Variants in RYR3 observed in about 807,000 individuals in gnomAD.
The protein encoded by RYR3 is brain ryanodine receptor-calcium release channel.
RYR3 carries 207 observed loss-of-function variants against 584.3 expected under a neutral mutation model. The observed-to-expected ratio is 0.35, with a 90% CI of 0.32 to 0.40. The LOEUF (loss-of-function observed/expected upper bound fraction) is 0.40. Ranked by LOEUF, RYR3 falls within the 10% of genes least tolerant of loss-of-function variation. The pLI is 1.00. For synonymous variants in RYR3, 2,416 were observed against 2,248.5 expected, an observed-to-expected ratio of 1.07 and a Z score of -2.11; for missense variants, 5,616 against 6,089.2, an observed-to-expected ratio of 0.92 and a Z score of 2.59.
rs1218278756 is a variant in RYR3 at position 33,555,363 on chromosome 15, G to A, written c.972+5047G>A. Among the ~76,000 whole-genome samples the A allele has an allele frequency of 2.6e-5, 4 of 152,316 alleles. No homozygotes were observed. In the East Asian group the frequency reaches 5.8e-4, roughly 22 times the overall value. ...AAGGGAGGGTATGGAGCAAAGGAGG[G>A]AAGGGGAAAGAGGAAAATACGGATA... On this transcript the variant is annotated intron_variant, in intron 10 of 103. Transcript: ENST00000634891.
Position 33,865,940 on chromosome 15 carries a change from A to AGAAGAAAAGTACTGTACT in RYR3, c.*718_*735dup. On this transcript the variant is annotated 3_prime_UTR_variant, in exon 104 of 104. Coordinates refer to ENST00000634891, the MANE Select transcript of RYR3 (RefSeq NM_001036.6). Reference sequence around the variant, plus strand: ...CAGCTGTCAGTCAACTGCTGTTATTAGAAGAAAAGTACTGTACTGAAAATT... The same window carrying AGAAGAAAAGTACTGTACT: ...CAGCTGTCAGTCAACTGCTGTTATTAGAAGAAAAGTACTGTACTGAAGAAAAGTACTGTACTGAAAATT... 6.5e-6 allele frequency: 1 copy of AGAAGAAAAGTACTGTACT among 152,846 alleles called. No individual in the cohort carries two copies. The highest frequency in any genetic ancestry group is 2.1e-4 in the South Asian group (1 of 4,820). 9.5% of individuals were successfully genotyped at this position (152,846 alleles called of 1,614,324 possible).
rs78148418 is a variant in RYR3, at chr15:33,392,270, A to G, written c.52-81149A>G. On this transcript the variant is annotated intron_variant, in intron 1 of 103. Coordinates refer to ENST00000634891, the MANE Select transcript of RYR3 (RefSeq NM_001036.6). ...CTGTCTGGGTCTCGTTGCATGCGTC[A>G]GTGTCTTAGGGTGAACCTTTCCAAA... Among the ~76,000 whole-genome samples the G allele has an allele frequency of 9.0e-3, 1,365 of 150,984 alleles. 22 individuals are homozygous for G. The highest frequency in any genetic ancestry group is 0.031 in the African/African-American group (1,296 of 41,168).
chr15:33,632,198 A>G (rs1442774778), intron 23 of RYR3, among the ~76,000 whole-genome samples: 1 of 152,216 alleles, frequency 6.6e-6, no homozygotes, highest in African/African-American at 2.4e-5. Context: ...GTGGTTCATC[A>G]CTGTTGGATT....
intron 1 of RYR3, among the ~76,000 whole-genome samples, chr15:33,327,813 G>A (rs887693030): frequency 1.3e-5 from 2 of 151,976 alleles, no homozygotes; most frequent in African/African-American, 4.8e-5. Context: ...GTGATTACTT[G>A]AATGATTTTT....
At chr15:33,763,376 A>C (rs542296723) in intron 60 of RYR3, among the ~76,000 whole-genome samples, 1 of 152,290 alleles carries the variant, frequency 6.6e-6, no homozygotes, top group Non-Finnish European at 1.5e-5. Context: ...CTGTCTGACA[A>C]AGGGCTAATA....
intron 3 of RYR3, among the ~76,000 whole-genome samples, chr15:33,519,254 C>A (rs2053784055): frequency 2.6e-5 from 4 of 152,146 alleles, no homozygotes; most frequent in Admixed American, 2.6e-4. Flanking sequence ...GTCTTCACCA[C>A]ACATAGATTT....
At chr15:33,604,425 A>G (rs2059813076) in intron 18 of RYR3, among the ~76,000 whole-genome samples, 1 of 152,192 alleles carries the variant, frequency 6.6e-6, no homozygotes, top group Non-Finnish European at 1.5e-5. Flanking sequence ...CAGTTGGTCC[A>G]TATGGATTTT....
At chr15:33,678,135 A>C (rs2064312543) in intron 38 of RYR3, among the ~76,000 whole-genome samples, 1 of 152,208 alleles carries the variant, frequency 6.6e-6, no homozygotes, top group Non-Finnish European at 1.5e-5. Context: ...ATTCAGGCAC[A>C]GTAATAAAGA....
intron 21 of RYR3, among the ~76,000 whole-genome samples, chr15:33,629,294 T>G (rs1049974223): frequency 6.6e-6 from 1 of 152,196 alleles, no homozygotes; most frequent in Admixed American, 6.5e-5. Context: ...AAGCCCCGAG[T>G]CACATGTACT....
chr15:33,557,727 T>C (rs2057160332), intron 10 of RYR3, among the ~76,000 whole-genome samples: 1 of 152,126 alleles, frequency 6.6e-6, no homozygotes, highest in Admixed American at 6.5e-5. Context: ...ATTAAACCAA[T>C]CTTGGCAACT....
At chr15:33,722,999 T>TA (rs766669259) in intron 44 of RYR3, 104 bp downstream of exon 44, 71 of 1,038,872 alleles carry the variant, frequency 6.8e-5, no homozygotes, top group Non-Finnish European at 9.7e-5. Context: ...CACATGTTCT[T>TA]AACAGTTACA....
intron 52 of RYR3, among the ~76,000 whole-genome samples, chr15:33,744,312 T>C (rs1373889369): frequency 6.6e-6 from 1 of 152,212 alleles, no homozygotes; most frequent in African/African-American, 2.4e-5. Context: ...TCTACACATT[T>C]ATTCTATTTA....
intron 2 of RYR3, among the ~76,000 whole-genome samples, chr15:33,489,705 C>T (rs2050803298): frequency 6.6e-6 from 1 of 152,156 alleles, no homozygotes; most frequent in African/African-American, 2.4e-5. Flanking sequence ...ATTTCTATTC[C>T]TCTAGGTATG....
At chr15:33,345,796 C>T (rs1478258745) in intron 1 of RYR3, among the ~76,000 whole-genome samples, 1 of 152,160 alleles carries the variant, frequency 6.6e-6, no homozygotes, top group African/African-American at 2.4e-5. Context: ...AGAATATGCT[C>T]TGTTTACAAA....
intron 66 of RYR3, among the ~76,000 whole-genome samples, chr15:33,786,195 T>A (rs1166980761): frequency 6.6e-6 from 1 of 152,188 alleles, no homozygotes; most frequent in Non-Finnish European, 1.5e-5. Context: ...ACTCCCCTAC[T>A]CATCCAGGCC....
chr15:33,843,729 A>G (rs557436570), intron 92 of RYR3, among the ~76,000 whole-genome samples, 155 bp downstream of exon 92: 13 of 152,362 alleles, frequency 8.5e-5, no homozygotes, highest in African/African-American at 1.7e-4. Flanking sequence ...AAGGAATACA[A>G]TTTCTAGCAG....
At chr15:33,452,474 AC>A (rs2047210710) in intron 1 of RYR3, among the ~76,000 whole-genome samples, 3 of 152,208 alleles carry the variant, frequency 2.0e-5, no homozygotes, top group Admixed American at 6.5e-5. Context: ...AAATCAGACT[AC>A]TTATTTCTAT....
At chr15:33,585,464 G>A (rs535751282) in intron 15 of RYR3, among the ~76,000 whole-genome samples, 24 of 152,076 alleles carry the variant, frequency 1.6e-4, no homozygotes, top group Non-Finnish European at 2.9e-4. Flanking sequence ...AAAAAAAAGG[G>A]GGAAAAGCCA....
intron 1 of RYR3, among the ~76,000 whole-genome samples, chr15:33,325,599 G>T (rs1969560347): frequency 6.8e-6 from 1 of 146,840 alleles, no homozygotes; most frequent in South Asian, 2.1e-4. Flanking sequence ...TTATGATGAG[G>T]TTTCTTTTCT....
Sources: allele counts gnomAD v4.1 joint callset (sites outside exome capture counted in the v4.1 genomes callset), GRCh38; gene constraint gnomAD v4.1.1; transcripts MANE v1.5; gene names NCBI Gene and HGNC (gene_info 2026-07-23, HGNC 2026-07-21).